The following FAM222B variants were observed in gnomAD, a reference collection of about 807,000 sequenced individuals.
The protein encoded by FAM222B is protein FAM222B.
FAM222B carries 12 observed loss-of-function variants against 38.0 expected under a neutral mutation model. The ratio of observed to expected loss-of-function variants is 0.32; its 90% confidence interval spans 0.20 to 0.51. FAM222B has a LOEUF of 0.51. Among genes scored for constraint, FAM222B ranks in the 20% least tolerant of loss-of-function variants. FAM222B has a pLI of 0.97. For synonymous variants in FAM222B, 329 were observed against 317.2 expected, an observed-to-expected ratio of 1.04 and a Z score of -0.40; for missense variants, 716 against 754.2, an observed-to-expected ratio of 0.95 and a Z score of 0.59.
chr17:28,787,307 A>G (rs1377885032), intron 1 of FAM222B, among the ~76,000 whole-genome samples: 3 of 152,076 alleles, frequency 2.0e-5, no homozygotes, highest in African/African-American at 7.2e-5. Context: ...ACAGAAAGAC[A>G]AGTTTGATAC....
intron 1 of FAM222B, among the ~76,000 whole-genome samples, chr17:28,827,425 G>A (rs1039920885): frequency 4.6e-5 from 7 of 151,872 alleles, no homozygotes; most frequent in African/African-American, 1.7e-4. Flanking sequence ...ATCCAGATGA[G>A]GAAACAGAAT....
At chr17:28,841,565 G>A (rs573105467) in intron 1 of FAM222B, among the ~76,000 whole-genome samples, 6 of 151,984 alleles carry the variant, frequency 3.9e-5, no homozygotes, top group Non-Finnish European at 5.9e-5. Flanking sequence ...TAGTAGAGAC[G>A]GGATTTCACT....
In FAM222B at chr17:28,842,730, G is replaced by GCCCGCCA. The variant is rs1173555488; in HGVS notation, c.-90_-89insTGGCGGG. 5.9e-4 allele frequency: 91 copies of GCCCGCCA among 154,546 alleles called. No individual in the cohort carries two copies. The highest frequency in any genetic ancestry group is 1.1e-3 in the Non-Finnish European group (75 of 69,412). The allele number at this position is 154,546 out of a possible 1,614,324, so 9.6% of individuals were successfully genotyped here. A position where few individuals can be genotyped will look rare whatever the true frequency, so the allele number is the denominator to read the frequency against. On this transcript the variant is annotated 5_prime_UTR_variant, in exon 1 of 3. Transcript: ENST00000581407. Reference sequence around the variant, plus strand: ...CATGGCTGCTCCTTTGCCGCCCGCCGCCCGCCGCCACCACTTCTCCACTGC... The same window carrying GCCCGCCA: ...CATGGCTGCTCCTTTGCCGCCCGCCGCCCGCCACCCGCCGCCACCACTTCTCCACTGC...
At chr17:28,786,085 G>A (rs1378539437) in intron 1 of FAM222B, among the ~76,000 whole-genome samples, 1 of 151,854 alleles carries the variant, frequency 6.6e-6, no homozygotes, top group Non-Finnish European at 1.5e-5. Context: ...ATCCACCTCG[G>A]CCTCCCAAAG....
At position 28,759,480 on chromosome 17, in the gene FAM222B, T is replaced by G; in HGVS notation, c.479A>C (p.His160Pro). The change falls in exon 3 of 3, where the codon CAT (histidine) becomes CCT (proline). Residue 160 changes from histidine (H) to proline (P), a missense_variant. Coordinates refer to ENST00000581407, the MANE Select transcript of FAM222B (RefSeq NM_001077498.3). This position sits in a 1 kb window ranked among gnomAD's most constrained non-coding sequence, Gnocchi z 4.8. ...AGGGGCATGGGCCAGGGTCTGTGCA[T>G]GCTGCAGGGCCTGCTGGCGGGCCAG... ...QALARQQALQHAQTLAHAPPQ... is the reference protein window; with the variant it reads ...QALARQQALQPAQTLAHAPPQ... 6.5e-7 allele frequency: 1 copy of G among 1,537,432 alleles called. No individual in the cohort carries two copies.
intron 1 of FAM222B, among the ~76,000 whole-genome samples, chr17:28,778,697 G>GTGTATATATA (rs1474883701): frequency 4.4e-5 from 2 of 45,340 alleles, no homozygotes; most frequent in Non-Finnish European, 6.9e-5. Flanking sequence ...GTGTGTGTGT[G>GTGTATATATA]TATATATATA....
At chr17:28,818,269 CT>C (rs1449192324) in intron 1 of FAM222B, among the ~76,000 whole-genome samples, 5 of 152,056 alleles carry the variant, frequency 3.3e-5, no homozygotes, top group African/African-American at 4.8e-5. Flanking sequence ...TGGCTCACGC[CT>C]GTAATCCCAG....
intron 1 of FAM222B, chr17:28,854,945 C>T (rs2039216874): frequency 4.8e-6 from 7 of 1,446,478 alleles, no homozygotes; most frequent in Non-Finnish European, 6.4e-6. Flanking sequence ...TTTGGGCAGA[C>T]CTACCTCTCT....
intron 1 of FAM222B, among the ~76,000 whole-genome samples, chr17:28,847,934 A>T (rs1567914741): frequency 6.6e-6 from 1 of 151,702 alleles, no homozygotes; most frequent in African/African-American, 2.4e-5. Context: ...AAAAGAAAAG[A>T]AAAGAAAGAA....
At position 28,766,592 on chromosome 17, in the gene FAM222B, GA is replaced by G; in HGVS notation, c.75del (p.Gln26ArgfsTer9). ...LLSHTQMNTG[L>X]QKWDTTQKMR... ...TAGGATCCAGATTACTTACATTTCT[GA>G]AGTCCAGTGTTCATCTGCGTGTGAG... On this transcript the variant is annotated frameshift_variant, in exon 2 of 3. Transcript: ENST00000581407. LOFTEE classifies it high-confidence loss of function. 6.3e-7 allele frequency: 1 copy of G among 1,597,826 alleles called. No homozygotes were observed.
chr17:28,795,291 C>T (rs1249001984), intron 1 of FAM222B, among the ~76,000 whole-genome samples: 2 of 152,138 alleles, frequency 1.3e-5, no homozygotes, highest in African/African-American at 4.8e-5. Context: ...ATTACAGGCA[C>T]ATGCCATCGT....
chr17:28,851,649 G>A (rs1012946610), intron 1 of FAM222B, among the ~76,000 whole-genome samples: 7 of 151,960 alleles, frequency 4.6e-5, no homozygotes, highest in South Asian at 4.1e-4. Flanking sequence ...ACGCCAAGGC[G>A]GGCAGATCAC....
upstream of FAM222B, among the ~76,000 whole-genome samples, chr17:28,843,050 A>C (rs1248293061): frequency 6.6e-6 from 1 of 151,956 alleles, no homozygotes. Context: ...CCACAGACTT[A>C]CTGGCTCTTC....
intron 1 of FAM222B, among the ~76,000 whole-genome samples, chr17:28,810,331 C>T (rs1243487005): frequency 6.6e-6 from 1 of 152,056 alleles, no homozygotes; most frequent in Non-Finnish European, 1.5e-5. Flanking sequence ...CTTCCTATAC[C>T]TTAGATATCA....
intron 1 of FAM222B, among the ~76,000 whole-genome samples, chr17:28,835,934 C>G (rs1330183011): frequency 6.6e-6 from 1 of 152,012 alleles, no homozygotes; most frequent in African/African-American, 2.4e-5. Context: ...CTAGGCCTCC[C>G]AAAGTGCTGA....
chr17:28,838,042 G>A (rs895761050), intron 1 of FAM222B, among the ~76,000 whole-genome samples: 2 of 151,886 alleles, frequency 1.3e-5, no homozygotes, highest in Non-Finnish European at 2.9e-5. Flanking sequence ...GAGGCGGGTG[G>A]AACATTTGAG....
Position 28,828,095 on chromosome 17 carries a change from A to ATTTTT in FAM222B, c.-41+14582_-41+14586dup, listed in dbSNP as rs528492764. On this transcript the variant is annotated intron_variant, in intron 1 of 2. Coordinates refer to ENST00000581407, the MANE Select transcript of FAM222B (RefSeq NM_001077498.3). ...TAAGGAGAAATCAAGATCAAATCCAATTTTTTTTTTTTTTTTTTTTTTTTT... is the reference window on the plus strand; with the variant it reads ...TAAGGAGAAATCAAGATCAAATCCAATTTTTTTTTTTTTTTTTTTTTTTTTTTTTT... 8.7e-4 allele frequency among the ~76,000 whole-genome samples: 65 copies of ATTTTT among 74,694 alleles called. 4 individuals carry two copies. The highest frequency in any genetic ancestry group is 0.012 in the Middle Eastern group (1 of 84). The allele number at this position is 74,694 out of a possible 152,430, so 49.0% of individuals were successfully genotyped here. A position where few individuals can be genotyped will look rare whatever the true frequency, so the allele number is the denominator to read the frequency against.
At chr17:28,830,725 C>T (rs993806548) in intron 1 of FAM222B, among the ~76,000 whole-genome samples, 15 of 151,658 alleles carry the variant, frequency 9.9e-5, no homozygotes, top group African/African-American at 3.1e-4. Flanking sequence ...GTGGCTAACA[C>T]CTGTAGTCCC....
intron 1 of FAM222B, among the ~76,000 whole-genome samples, chr17:28,823,140 G>C (rs942499950): frequency 6.6e-6 from 1 of 151,248 alleles, no homozygotes; most frequent in African/African-American, 2.4e-5. Flanking sequence ...CAAGGAAACT[G>C]GGTGCCAAAA....
Sources: gnomAD v4.1 joint callset for allele counts (sites outside exome capture counted in the v4.1 genomes callset) on GRCh38, gnomAD v4.1.1 for gene constraint, Gnocchi (gnomAD v3.1) non-coding constraint, MANE v1.5 for transcripts, NCBI Gene and HGNC (gene_info 2026-07-23, HGNC 2026-07-21) for gene names.